Variants in DLG2 observed in about 807,000 individuals in gnomAD.
DLG2 encodes disks large homolog 2.
Under a neutral mutation model 132.5 loss-of-function variants are expected in DLG2, and 45 were observed. The observed-to-expected ratio is 0.34, with a 90% CI of 0.27 to 0.44. DLG2 has a LOEUF of 0.44. DLG2 is among the 20% of genes least tolerant of loss of function. DLG2 has a pLI of 1.00. For synonymous variants in DLG2, 424 were observed against 419.6 expected, an observed-to-expected ratio of 1.01 and a Z score of -0.13; for missense variants, 1,045 against 1,196.9, an observed-to-expected ratio of 0.87 and a Z score of 1.87.
chr11:85,530,103 TCTC>T (rs1346046366), intron 3 of DLG2, among the ~76,000 whole-genome samples: 1 of 150,306 alleles, frequency 6.7e-6, no homozygotes, highest in East Asian at 2.0e-4. Context: ...TTCAAGCGAT[TCTC>T]CTGCCTCAGC....
At chr11:85,100,936 T>C (rs750974410) in intron 6 of DLG2, among the ~76,000 whole-genome samples, 2 of 152,162 alleles carry the variant, frequency 1.3e-5, no homozygotes, top group African/African-American at 2.4e-5. Context: ...AATTTGCAAA[T>C]GTTTTTGGTA....
chr11:83,511,068 G>A (rs1327007623), intron 21 of DLG2, among the ~76,000 whole-genome samples: 2 of 92,534 alleles, frequency 2.2e-5, no homozygotes, highest in African/African-American at 3.8e-5. Flanking sequence ...CCTCTCACTT[G>A]CTCAAACACA....
At chr11:85,409,505 G>A (rs1597064533) in intron 3 of DLG2, among the ~76,000 whole-genome samples, 1 of 151,948 alleles carries the variant, frequency 6.6e-6, no homozygotes, top group East Asian at 1.9e-4. Context: ...TATTATTAAA[G>A]GAGAAAAAAA....
chr11:84,532,301 T>C (rs537565062), intron 7 of DLG2, among the ~76,000 whole-genome samples: 1 of 152,038 alleles, frequency 6.6e-6, no homozygotes, highest in Non-Finnish European at 1.5e-5. Flanking sequence ...ATTTCAAATA[T>C]TTCATCTATC....
At chr11:83,793,021 C>A (rs893375054) in intron 17 of DLG2, among the ~76,000 whole-genome samples, 3 of 152,028 alleles carry the variant, frequency 2.0e-5, no homozygotes, top group Non-Finnish European at 4.4e-5. Flanking sequence ...TGTGTTTCTT[C>A]AATTATAAGG....
chr11:83,768,373 A>T (rs1352735450), intron 18 of DLG2, among the ~76,000 whole-genome samples: 1 of 152,162 alleles, frequency 6.6e-6, no homozygotes, highest in African/African-American at 2.4e-5. Context: ...TCCATTTGTG[A>T]TCCCCCAGAT....
At chr11:84,327,406 C>T (rs2098437989) in intron 7 of DLG2, among the ~76,000 whole-genome samples, 1 of 152,088 alleles carries the variant, frequency 6.6e-6, no homozygotes, top group Non-Finnish European at 1.5e-5. Context: ...TTAAAATCCA[C>T]TTAGCTATTC....
intron 4 of DLG2, among the ~76,000 whole-genome samples, chr11:85,188,432 T>A (rs1226258538): frequency 1.3e-5 from 2 of 152,154 alleles, no homozygotes; most frequent in African/African-American, 4.8e-5. Context: ...TATAATCTGG[T>A]ATCTAAAATG....
In DLG2 at chr11:85,001,451, TC is replaced by T. The variant is rs1189698120; in HGVS notation, c.357+110209del. On this transcript the variant is annotated intron_variant, in intron 6 of 27. Transcript: ENST00000376104. ...GTAAGCAATTGTTAGGTCTTAGAAG[TC>T]TTTACAGACCATGCTATGGAGCTTA... 1.4e-4 allele frequency among the ~76,000 whole-genome samples: 22 copies of T among 152,248 alleles called. 1 individual carries two copies. In the South Asian group the frequency reaches 4.6e-3, roughly 32 times the overall value.
At chr11:84,148,447 A>G (rs1055018097) in intron 9 of DLG2, among the ~76,000 whole-genome samples, 4 of 152,064 alleles carry the variant, frequency 2.6e-5, no homozygotes, top group Non-Finnish European at 4.4e-5. Flanking sequence ...TCCAATGTTT[A>G]ATTCTCACTT....
chr11:84,093,234 A>T (rs1237776799), intron 10 of DLG2, among the ~76,000 whole-genome samples: 1 of 152,150 alleles, frequency 6.6e-6, no homozygotes, highest in Non-Finnish European at 1.5e-5. Context: ...CTCAAGGTTC[A>T]GGGTCTTCTT....
intron 7 of DLG2, among the ~76,000 whole-genome samples, chr11:84,517,055 T>C (rs868852069): frequency 7.7e-5 from 6 of 78,184 alleles, no homozygotes; most frequent in Non-Finnish European, 1.6e-4. Context: ...AAATATTCTA[T>C]CCTAAAAAAA....
At chr11:83,639,698 G>A (rs1334972593) in intron 18 of DLG2, among the ~76,000 whole-genome samples, 2 of 150,296 alleles carry the variant, frequency 1.3e-5, no homozygotes, top group African/African-American at 4.9e-5. Context: ...CATGGCACAT[G>A]TATACATATG....
rs891297783 is a variant in DLG2 at position 84,901,530 on chromosome 11, A to G, written c.357+210131T>C. ...AAATGAATATCCTTCAAAATTAAAC[A>G]TTTGGTGAAAGTTAATTAATCTTAA... On this transcript the variant is annotated intron_variant, in intron 6 of 27. Coordinates refer to ENST00000376104, the MANE Select transcript of DLG2 (RefSeq NM_001142699.3). Among the ~76,000 whole-genome samples the G allele has an allele frequency of 6.7e-5, 10 of 148,200 alleles. 1 individual carries two copies. The highest frequency in any genetic ancestry group is 2.0e-4 in the African/African-American group (8 of 39,160).
chr11:84,832,670 G>A (rs1244186524), intron 6 of DLG2, among the ~76,000 whole-genome samples: 3 of 151,612 alleles, frequency 2.0e-5, no homozygotes, highest in African/African-American at 7.2e-5. Flanking sequence ...CATACACTCT[G>A]ATTCTATTTA....
intron 14 of DLG2, among the ~76,000 whole-genome samples, chr11:83,932,841 C>T (rs1271762502): frequency 6.6e-6 from 1 of 152,058 alleles, no homozygotes; most frequent in Non-Finnish European, 1.5e-5. Context: ...AACCAGAATC[C>T]CAATGTTATC....
chr11:85,149,030 G>C (rs535359349), intron 5 of DLG2, among the ~76,000 whole-genome samples: 18 of 152,218 alleles, frequency 1.2e-4, no homozygotes, highest in Non-Finnish European at 2.1e-4. Context: ...GCTTGCTTTT[G>C]TCTGGTTTGT....
chr11:84,558,628 T>G (rs1272015436), intron 6 of DLG2, among the ~76,000 whole-genome samples: 1 of 152,128 alleles, frequency 6.6e-6, no homozygotes, highest in Non-Finnish European at 1.5e-5. Flanking sequence ...TTCACCTTCC[T>G]TTACTTTCTT....
intron 6 of DLG2, among the ~76,000 whole-genome samples, chr11:84,853,555 T>C (rs901668887): frequency 3.9e-5 from 6 of 152,048 alleles, no homozygotes; most frequent in African/African-American, 1.4e-4. Flanking sequence ...TTCTCTCATG[T>C]ATTAAAGAAA....
Sources: gnomAD v4.1 joint callset for allele counts (sites outside exome capture counted in the v4.1 genomes callset) on GRCh38, gnomAD v4.1.1 for gene constraint, MANE v1.5 for transcripts, NCBI Gene and HGNC (gene_info 2026-07-23, HGNC 2026-07-21) for gene names.